Variants in UMAD1 observed in about 807,000 individuals in gnomAD.
UMAD1 encodes the protein UBAP1-MVB12-associated (UMA)-domain containing protein 1.
In UMAD1, 8 loss-of-function variants were observed where a neutral mutation model predicts 6.1. That is an observed-to-expected ratio of 1.30 (90% CI 0.76 to 2.35). UMAD1 has a LOEUF of 2.35. Ranked by LOEUF, UMAD1 falls within the 30% of genes most tolerant of loss-of-function variation. UMAD1 has a pLI of 0.00. For synonymous variants in UMAD1, 56 were observed against 31.4 expected, an observed-to-expected ratio of 1.78 and a Z score of -2.61; for missense variants, 130 against 78.4, an observed-to-expected ratio of 1.66 and a Z score of -2.49.
chr7:7,740,438 T>C (rs1475363579), intron 2 of UMAD1, among the ~76,000 whole-genome samples: 1 of 152,262 alleles, frequency 6.6e-6, no homozygotes, highest in Non-Finnish European at 1.5e-5. Flanking sequence ...GTTATAATTT[T>C]AGCTTTATGC....
intron 2 of UMAD1, chr7:7,735,796 C>T (rs1781347346): frequency 6.6e-6 from 1 of 152,228 alleles, no homozygotes; most frequent in South Asian, 2.1e-4. Context: ...TTTAGTTTCC[C>T]CGAAGTCAGC....
chr7:7,799,786 A>T (rs1467809687), intron 2 of UMAD1, among the ~76,000 whole-genome samples: 2 of 152,146 alleles, frequency 1.3e-5, no homozygotes, highest in Non-Finnish European at 2.9e-5. Context: ...CTTATCCCTC[A>T]CTTTCAGACA....
intron 2 of UMAD1, among the ~76,000 whole-genome samples, chr7:7,750,103 T>C (rs1256411419): frequency 1.3e-5 from 2 of 152,180 alleles, no homozygotes; most frequent in Admixed American, 6.5e-5. Flanking sequence ...TATGGTCAAT[T>C]GCAATTATAA....
intron 3 of UMAD1, among the ~76,000 whole-genome samples, chr7:7,876,450 T>C (rs1784421780): frequency 6.6e-6 from 1 of 152,130 alleles, no homozygotes; most frequent in Admixed American, 6.5e-5. Context: ...CAGGCTGGTT[T>C]GAGTTAGGTT....
chr7:7,801,547 A>G, intron 2 of UMAD1, 123 bp from the exon 3 acceptor site: 1 of 601,174 alleles, frequency 1.7e-6, no homozygotes, highest in Non-Finnish European at 3.0e-6. Flanking sequence ...AAACAAGGGA[A>G]ATAGTGGTTT....
At chr7:7,671,431 G>A (rs562192603) in intron 1 of UMAD1, among the ~76,000 whole-genome samples, 1 of 152,230 alleles carries the variant, frequency 6.6e-6, no homozygotes, top group Non-Finnish European at 1.5e-5. Context: ...AGTCTACACT[G>A]AGGTTTTAAT....
chr7:7,840,182 G>T (rs1783651061), intron 3 of UMAD1, among the ~76,000 whole-genome samples: 1 of 152,132 alleles, frequency 6.6e-6, no homozygotes, highest in Non-Finnish European at 1.5e-5. Context: ...GGTAAATAGG[G>T]TTCTGGGGTT....
chr7:7,689,557 T>A (rs972343144), intron 2 of UMAD1: 2 of 152,198 alleles, frequency 1.3e-5, no homozygotes, highest in African/African-American at 4.8e-5. Context: ...TTGACAGATG[T>A]GCTTATAATG....
chr7:7,705,231 C>T (rs771769386), intron 2 of UMAD1, among the ~76,000 whole-genome samples: 5 of 152,078 alleles, frequency 3.3e-5, no homozygotes, highest in Admixed American at 2.0e-4. Context: ...ATGATTGTAA[C>T]GAAGTTCGTA....
At chr7:7,796,151 G>A (rs1782673080) in intron 2 of UMAD1, among the ~76,000 whole-genome samples, 1 of 151,542 alleles carries the variant, frequency 6.6e-6, no homozygotes, top group South Asian at 2.1e-4. Context: ...TAAGGCAAGT[G>A]ACCTCACAGG....
At chr7:7,656,299 C>A (rs1785340487) in intron 1 of UMAD1, among the ~76,000 whole-genome samples, 1 of 151,980 alleles carries the variant, frequency 6.6e-6, no homozygotes, top group East Asian at 1.9e-4. Flanking sequence ...AGAACTTGTT[C>A]ATGTATTTAA....
intron 2 of UMAD1, among the ~76,000 whole-genome samples, chr7:7,681,738 C>T (rs996844906): frequency 2.0e-5 from 3 of 152,066 alleles, no homozygotes; most frequent in South Asian, 2.1e-4. Context: ...TGGCACTATT[C>T]GTAATTACCA....
rs1782234265 is a variant in UMAD1 at position 7,777,468 on chromosome 7, C to T, written c.83-24202C>T. The stretch of plus-strand genomic sequence containing the variant: ...TTGCAGTGAGCTGAGATTGAACCAC[C>T]GCACTCCAGCCTGGGAGACAGTGTG... On this transcript the variant is annotated intron_variant, in intron 2 of 3. Transcript: ENST00000682710. Among the ~76,000 whole-genome samples, 6 of 144,858 alleles carry T rather than the reference C, an allele frequency of 4.1e-5. No homozygotes were observed. In the South Asian group the frequency reaches 6.6e-4, roughly 16 times the overall value.
Position 7,745,672 on chromosome 7 carries a change from G to A in UMAD1, c.83-55998G>A, listed in dbSNP as rs76047548. On this transcript the variant is annotated intron_variant, in intron 2 of 3. Transcript: ENST00000682710. ...AAACCAAGGAGAGTTTATTTTATTA[G>A]ATTTATGATATTAACTTGCAGATCA... Among the ~76,000 whole-genome samples, 240 of 152,268 alleles carry A rather than the reference G, an allele frequency of 1.6e-3. 5 individuals carry two copies. In the East Asian group the frequency reaches 0.042, roughly 26 times the overall value.
At position 7,813,211 on chromosome 7, in the gene UMAD1, TTTG is replaced by T. The variant is rs35818965; in HGVS notation, c.156+11486_156+11488del. Among the ~76,000 whole-genome samples the T allele has an allele frequency of 2.1e-3, 315 of 151,936 alleles. 1 individual carries two copies. Among genetic ancestry groups the T allele is most frequent in the African/African-American group, 7.2e-3 (297 of 41,414 alleles). Reference sequence around the variant, plus strand: ...CATTCCTTACTATGTGCCAGGTTTCTTTGTTGTTGTTGTTGTTGTTTTTAGATG... The same window carrying T: ...CATTCCTTACTATGTGCCAGGTTTCTTTGTTGTTGTTGTTGTTTTTAGATG... On this transcript the variant is annotated intron_variant, in intron 3 of 3. Transcript: ENST00000682710.
chr7:7,682,213 C>T (rs562995622), intron 2 of UMAD1, among the ~76,000 whole-genome samples: 1 of 152,230 alleles, frequency 6.6e-6, no homozygotes, highest in African/African-American at 2.4e-5. Flanking sequence ...GTAACACTTG[C>T]TGAATTTAGA....
intron 2 of UMAD1, among the ~76,000 whole-genome samples, chr7:7,733,957 A>C (rs1781301827): frequency 6.6e-6 from 1 of 151,968 alleles, no homozygotes; most frequent in Admixed American, 6.6e-5. Context: ...ATTTCCTTGG[A>C]TTTTCAAAGG....
chr7:7,774,608 G>A (rs531653573), intron 2 of UMAD1, among the ~76,000 whole-genome samples: 3 of 152,236 alleles, frequency 2.0e-5, no homozygotes, highest in Non-Finnish European at 2.9e-5. Context: ...TGACAACCAA[G>A]GAAAGAGAAT....
At chr7:7,838,550 T>C (rs1783616033) in intron 3 of UMAD1, among the ~76,000 whole-genome samples, 1 of 152,214 alleles carries the variant, frequency 6.6e-6, no homozygotes, top group African/African-American at 2.4e-5. Context: ...TAATCTGGCA[T>C]TTCTTCATTA....
Sources: gnomAD v4.1 joint callset for allele counts (sites outside exome capture counted in the v4.1 genomes callset) on GRCh38, gnomAD v4.1.1 for gene constraint, MANE v1.5 for transcripts, NCBI Gene and HGNC (gene_info 2026-07-23, HGNC 2026-07-21) for gene names.